The following PSPH variants were observed in gnomAD, a reference collection of about 807,000 sequenced individuals.
PSPH encodes the protein L-3-phosphoserine phosphatase.
Under a neutral mutation model 23.4 loss-of-function variants are expected in PSPH, and 16 were observed. The ratio of observed to expected loss-of-function variants is 0.68; its 90% confidence interval spans 0.46 to 1.04. The LOEUF is 1.04. PSPH is among the 50% of genes least tolerant of loss of function. The pLI is 0.00. For synonymous variants in PSPH, 68 were observed against 99.7 expected (o/e 0.68, Z 1.89); for missense variants, 223 against 273.7 (o/e 0.81, Z 1.31).
chr7:56,036,073 A>G (rs1313222578), intron 1 of PSPH, among the ~76,000 whole-genome samples: 2 of 152,104 alleles, frequency 1.3e-5, no homozygotes, highest in African/African-American at 4.8e-5. Flanking sequence ...TACTACAAAT[A>G]TAAACATTAG....
rs187818467 is a variant in PSPH at position 56,024,118 on chromosome 7, G to A, written c.-19-2887C>T. On this transcript the variant is annotated intron_variant, in intron 3 of 7. Transcript: ENST00000275605. The stretch of plus-strand genomic sequence containing the variant: ...AATTTTTTGTATTTTTAGTAGAGAC[G>A]GGGTTTCACCGTGGTCTCGATCTCC... Among the ~76,000 whole-genome samples, 1,416 of 151,340 alleles carry A rather than the reference G, an allele frequency of 9.4e-3. 19 individuals carry two copies. The highest frequency in any genetic ancestry group is 0.033 in the African/African-American group (1,342 of 41,244).
chr7:56,020,843 TTTAG>T (rs1226090511), intron 4 of PSPH, among the ~76,000 whole-genome samples: 1 of 152,214 alleles, frequency 6.6e-6, no homozygotes, highest in East Asian at 1.9e-4. Context: ...GGCCATCTTC[TTTAG>T]TTAGTGACGG....
At chr7:56,042,581 G>T (rs1792687625) in intron 1 of PSPH, among the ~76,000 whole-genome samples, 1 of 151,114 alleles carries the variant, frequency 6.6e-6, no homozygotes, top group Non-Finnish European at 1.5e-5. Context: ...AGCCCAGGAG[G>T]TTGAGGCTGC....
rs1395625443 is a variant in PSPH at position 56,013,735 on chromosome 7, A to G, written c.570+1288T>C. ...AACATAGCAAGACCCTGTCTCCAAAAAATAAAAATAAATAAATAAATAAAA... is the reference window on the plus strand; with the variant it reads ...AACATAGCAAGACCCTGTCTCCAAAGAATAAAAATAAATAAATAAATAAAA... On this transcript the variant is annotated intron_variant, in intron 7 of 7. Coordinates refer to ENST00000275605, the MANE Select transcript of PSPH (RefSeq NM_004577.4). 2.0e-5 allele frequency among the ~76,000 whole-genome samples: 3 copies of G among 152,060 alleles called. No individual in the cohort carries two copies. In the East Asian group the frequency reaches 5.8e-4, roughly 29 times the overall value.
chr7:56,032,266 A>G (rs1313023417), intron 2 of PSPH, among the ~76,000 whole-genome samples: 1 of 152,110 alleles, frequency 6.6e-6, no homozygotes, highest in African/African-American at 2.4e-5. Context: ...CAATTCTGCA[A>G]GGTTCAAGTC....
At chr7:56,028,904 C>T (rs531453055) in intron 3 of PSPH, among the ~76,000 whole-genome samples, 4 of 152,094 alleles carry the variant, frequency 2.6e-5, no homozygotes, top group South Asian at 2.1e-4. Flanking sequence ...CTGCAACCTC[C>T]GCCTCCCAGG....
rs898314920 is a variant in PSPH, at chr7:56,021,286, T to C, written c.-19-55A>G. 4 of 1,524,610 alleles carry C rather than the reference T, an allele frequency of 2.6e-6. No homozygotes were observed. The African/African-American group carries it at 5.5e-5, about 21-fold the overall frequency. The allele number at this position is 1,524,610 out of a possible 1,614,324, so 94.4% of individuals were successfully genotyped here. A position where few individuals can be genotyped will look rare whatever the true frequency, so the allele number is the denominator to read the frequency against. On this transcript the variant is annotated intron_variant, in intron 3 of 7. Coordinates refer to ENST00000275605, the MANE Select transcript of PSPH (RefSeq NM_004577.4). ...GACATCAAATAAAATTATGAAAAGA[T>C]CCCACCTTGCCTACTAAGCCAATCT... is the stretch of plus-strand genomic sequence containing the variant.
intron 3 of PSPH, 32 bp from the exon 4 acceptor site, chr7:56,021,263 C>T: frequency 6.3e-7 from 1 of 1,584,758 alleles, no homozygotes; most frequent in Non-Finnish European, 8.6e-7. Context: ...TATTTAAAGA[C>T]ATCAAATAAA....
intron 5 of PSPH, among the ~76,000 whole-genome samples, chr7:56,018,189 C>A (rs997267692): frequency 5.3e-5 from 8 of 151,878 alleles, no homozygotes; most frequent in African/African-American, 1.7e-4. Flanking sequence ...ACTAAAAATA[C>A]AAAAATTAGC....
intron 1 of PSPH, among the ~76,000 whole-genome samples, chr7:56,039,374 T>C (rs530735293): frequency 1.8e-4 from 28 of 152,278 alleles, no homozygotes; most frequent in African/African-American, 6.7e-4. Context: ...TCAATGATAT[T>C]ATAATAATTT....
At chr7:56,026,333 G>C (rs947636806) in intron 3 of PSPH, among the ~76,000 whole-genome samples, 1 of 149,370 alleles carries the variant, frequency 6.7e-6, no homozygotes, top group African/African-American at 2.5e-5. Context: ...AAAATTAGCC[G>C]GGCATGGTGG....
At chr7:56,035,611 C>CA (rs1791623671) in intron 1 of PSPH, among the ~76,000 whole-genome samples, 1 of 151,958 alleles carries the variant, frequency 6.6e-6, no homozygotes, top group Non-Finnish European at 1.5e-5. Flanking sequence ...GGACCCTCCC[C>CA]ACCAAAACAC....
At chr7:56,018,550 G>T (rs1788899078) in intron 5 of PSPH, among the ~76,000 whole-genome samples, 1 of 152,096 alleles carries the variant, frequency 6.6e-6, no homozygotes, top group Non-Finnish European at 1.5e-5. Context: ...AGTGCCAAAA[G>T]CACCACACAG....
At position 56,051,237 on chromosome 7, in the gene PSPH, C is replaced by G. The variant is rs1450130182; in HGVS notation, c.-391G>C. The G allele has an allele frequency of 6.5e-6, 1 of 152,874 alleles. No homozygotes were observed. Among genetic ancestry groups the G allele is most frequent in the African/African-American group, 2.4e-5 (1 of 41,470 alleles). 9.5% of individuals were successfully genotyped at this position (152,874 alleles called of 1,614,324 possible). A position where few individuals can be genotyped will look rare whatever the true frequency, so the allele number is the denominator to read the frequency against. ...GGCCTCAGCAGCATCCAGAGCCCTA[C>G]GGACGGGCAGGTTCTTACGTCTCAA... On this transcript the variant is annotated 5_prime_UTR_variant, in exon 1 of 8. Transcript: ENST00000275605.
chr7:56,012,325 G>A (rs1192703947), intron 7 of PSPH, among the ~76,000 whole-genome samples: 2 of 152,082 alleles, frequency 1.3e-5, no homozygotes, highest in South Asian at 2.1e-4. Flanking sequence ...CTGAGTAGCC[G>A]GGATGACAGG....
At chr7:56,013,101 ATG>A (rs1444963662) in intron 7 of PSPH, among the ~76,000 whole-genome samples, 1 of 123,948 alleles carries the variant, frequency 8.1e-6, no homozygotes. Flanking sequence ...ATATATACAT[ATG>A]TGTGTATATA....
At chr7:56,015,258 A>G in intron 6 of PSPH, 87 bp from the exon 7 acceptor site, 1 of 1,502,246 alleles carries the variant, frequency 6.7e-7, no homozygotes, top group Non-Finnish European at 9.2e-7. Flanking sequence ...TCTTCACTTA[A>G]ATGTCACTGA....
chr7:56,011,934 C>T, intron 7 of PSPH, 65 bp from the exon 8 acceptor site: 1 of 1,311,078 alleles, frequency 7.6e-7, no homozygotes, highest in East Asian at 2.6e-5. Context: ...TTTTTGGAGT[C>T]TCGCTCTGTC....
intron 3 of PSPH, among the ~76,000 whole-genome samples, chr7:56,031,127 C>T (rs1274374829): frequency 2.0e-5 from 3 of 151,104 alleles, no homozygotes; most frequent in African/African-American, 4.9e-5. Context: ...AGGAGAATGG[C>T]GTGAACCCGG....
Sources: gnomAD v4.1 joint callset for allele counts (sites outside exome capture counted in the v4.1 genomes callset) on GRCh38, gnomAD v4.1.1 for gene constraint, MANE v1.5 for transcripts, NCBI Gene and HGNC (gene_info 2026-07-23, HGNC 2026-07-21) for gene names.